The following NRG3 variants were observed in gnomAD, a reference collection of about 807,000 sequenced individuals.
NRG3 encodes the protein neuregulin 3, also known as pro-neuregulin-3, membrane-bound isoform.
In NRG3, 31 loss-of-function variants were observed where a neutral mutation model predicts 66.9. The observed-to-expected ratio is 0.46, with a 90% CI of 0.35 to 0.63. The LOEUF (loss-of-function observed/expected upper bound fraction) is 0.63. NRG3 is among the 20% of genes least tolerant of loss of function. The pLI, the probability that NRG3 is intolerant of heterozygous loss-of-function variation, is 0.00. For missense variants in NRG3, 910 were observed against 878.9 expected (o/e 1.04, Z -0.45); for synonymous variants, 393 against 359.4 (o/e 1.09, Z -1.06).
chr10:82,012,803 A>G (rs1006271945), intron 1 of NRG3, among the ~76,000 whole-genome samples: 16 of 152,220 alleles, frequency 1.1e-4, no homozygotes, highest in African/African-American at 3.4e-4. Context: ...CCTTTGCTCC[A>G]ATTACCAAAA....
rs911858322 is a variant in NRG3 at position 82,307,023 on chromosome 10, G to A, written c.824-51716G>A. Among the ~76,000 whole-genome samples, 8 of 151,668 alleles carry A rather than the reference G, an allele frequency of 5.3e-5. No homozygotes were observed. In the East Asian group the frequency reaches 1.6e-3, roughly 29 times the overall value. On this transcript the variant is annotated intron_variant, in intron 1 of 8. Coordinates refer to ENST00000372141, the MANE Select transcript of NRG3 (RefSeq NM_001010848.4). Reference sequence around the variant, plus strand: ...TTTTTAAATTCCTAGTTGTCTTCTCGGTTAGTCATTAATTTCTTATTTTAT... The same window carrying A: ...TTTTTAAATTCCTAGTTGTCTTCTCAGTTAGTCATTAATTTCTTATTTTAT...
At position 82,787,173 on chromosome 10, in the gene NRG3, T is replaced by G. The variant is rs556629703; in HGVS notation, c.1027+48523T>G. On this transcript the variant is annotated intron_variant, in intron 3 of 8. Coordinates refer to ENST00000372141, the MANE Select transcript of NRG3 (RefSeq NM_001010848.4). The stretch of plus-strand genomic sequence containing the variant: ...TTCATTTCAATACTTGCTCTGCAAC[T>G]CTCTCTTACACTCAAAACTAGGTGA... Among the ~76,000 whole-genome samples the G allele has an allele frequency of 4.6e-5, 7 of 152,294 alleles. No individual in the cohort carries two copies. The East Asian group carries it at 1.4e-3, about 29-fold the overall frequency.
At chr10:82,958,060 C>T (rs748563366) in intron 5 of NRG3, among the ~76,000 whole-genome samples, 11 of 152,318 alleles carry the variant, frequency 7.2e-5, no homozygotes, top group Middle Eastern at 3.4e-3. Context: ...ACAGTCATTC[C>T]GCATGTGCAC....
intron 1 of NRG3, among the ~76,000 whole-genome samples, chr10:81,922,929 C>T (rs935571513): frequency 6.6e-6 from 1 of 152,020 alleles, no homozygotes; most frequent in Admixed American, 6.5e-5. Flanking sequence ...TGGGCTGGTT[C>T]CTTGTACATT....
intron 4 of NRG3, among the ~76,000 whole-genome samples, chr10:82,904,506 T>A (rs1031440956): frequency 6.6e-6 from 1 of 152,142 alleles, no homozygotes; most frequent in Non-Finnish European, 1.5e-5. Context: ...GCAAAATGCA[T>A]CAAAGTGAAG....
Position 82,368,949 on chromosome 10 carries a change from G to A in NRG3, c.953+10081G>A, listed in dbSNP as rs191235930. ...GTTCTGTGGACTCTGCCGAGGCAAT[G>A]AGGGAATTTGCCGTGTCCTTCTGTG... On this transcript the variant is annotated intron_variant, in intron 2 of 8. Transcript: ENST00000372141. Among the ~76,000 whole-genome samples the A allele has an allele frequency of 3.6e-3, 502 of 138,342 alleles. 129 individuals are homozygous for A. The highest frequency in any genetic ancestry group is 0.016 in the African/African-American group (464 of 29,764). The allele number at this position is 138,342 out of a possible 152,430, so 90.8% of individuals were successfully genotyped here.
At chr10:82,516,986 C>G (rs975386073) in intron 2 of NRG3, among the ~76,000 whole-genome samples, 1 of 152,082 alleles carries the variant, frequency 6.6e-6, no homozygotes, top group Non-Finnish European at 1.5e-5. Context: ...AATGCTCTTT[C>G]GTAGTCATTT....
At chr10:82,535,251 C>G (rs1029221198) in intron 2 of NRG3, among the ~76,000 whole-genome samples, 3 of 150,376 alleles carry the variant, frequency 2.0e-5, no homozygotes, top group Non-Finnish European at 4.4e-5. Context: ...TATACACACA[C>G]TATATATTTG....
At chr10:82,556,677 T>C (rs1434855434) in intron 2 of NRG3, among the ~76,000 whole-genome samples, 2 of 152,178 alleles carry the variant, frequency 1.3e-5, no homozygotes, top group Admixed American at 6.5e-5. Flanking sequence ...GTACATGTGA[T>C]GGTGTGTTAC....
chr10:81,909,716 T>C (rs893776285), intron 1 of NRG3, among the ~76,000 whole-genome samples: 2 of 152,152 alleles, frequency 1.3e-5, no homozygotes, highest in African/African-American at 4.8e-5. Flanking sequence ...AGGCAGATGT[T>C]TCCGTCTTTA....
At chr10:82,244,046 A>T (rs571285984) in intron 1 of NRG3, among the ~76,000 whole-genome samples, 2 of 152,362 alleles carry the variant, frequency 1.3e-5, no homozygotes, top group East Asian at 3.9e-4. Flanking sequence ...GTGTGCAGAC[A>T]GTTGCTTAAT....
At chr10:82,571,444 T>C (rs2045731706) in intron 2 of NRG3, among the ~76,000 whole-genome samples, 1 of 151,706 alleles carries the variant, frequency 6.6e-6, no homozygotes, top group Non-Finnish European at 1.5e-5. Flanking sequence ...TACATCACTA[T>C]TTGGAGTGAA....
intron 3 of NRG3, among the ~76,000 whole-genome samples, chr10:82,782,073 T>C (rs1418266609): frequency 6.6e-6 from 1 of 152,156 alleles, no homozygotes; most frequent in African/African-American, 2.4e-5. Context: ...GTCATGCTAC[T>C]CTCTTTGCTT....
chr10:82,177,108 T>C, intron 1 of NRG3, among the ~76,000 whole-genome samples: 1 of 152,212 alleles, frequency 6.6e-6, no homozygotes. Flanking sequence ...TAAGATACCT[T>C]AGTGCCTTGA....
chr10:82,333,423 G>A (rs1318417054), intron 1 of NRG3, among the ~76,000 whole-genome samples: 1 of 152,154 alleles, frequency 6.6e-6, no homozygotes, highest in African/African-American at 2.4e-5. Context: ...GTGGGAAAAT[G>A]GATGAGATTT....
chr10:82,308,853 G>T (rs1286627801), intron 1 of NRG3, among the ~76,000 whole-genome samples: 1 of 152,136 alleles, frequency 6.6e-6, no homozygotes, highest in African/African-American at 2.4e-5. Flanking sequence ...GGCAGGAAGT[G>T]CTGTGGTTTC....
chr10:82,167,970 T>C (rs1357970143), intron 1 of NRG3, among the ~76,000 whole-genome samples: 2 of 152,052 alleles, frequency 1.3e-5, no homozygotes, highest in African/African-American at 2.4e-5. Flanking sequence ...ATTGCTAAAG[T>C]AGCCCATCTT....
intron 1 of NRG3, among the ~76,000 whole-genome samples, chr10:81,893,091 T>C (rs575161250): frequency 2.0e-5 from 3 of 152,322 alleles, no homozygotes; most frequent in South Asian, 4.1e-4. Flanking sequence ...ATTTTCACTA[T>C]AGGAAATTAG....
chr10:82,276,792 A>G (rs550161525), intron 1 of NRG3, among the ~76,000 whole-genome samples: 6 of 152,120 alleles, frequency 3.9e-5, no homozygotes, highest in African/African-American at 1.4e-4. Context: ...TATATTTGCA[A>G]TGCTTACCAT....
Sources: allele counts gnomAD v4.1 joint callset (sites outside exome capture counted in the v4.1 genomes callset), GRCh38; gene constraint gnomAD v4.1.1; transcripts MANE v1.5; gene names NCBI Gene and HGNC (gene_info 2026-07-23, HGNC 2026-07-21).